Variants in PTPRD observed in about 807,000 individuals in gnomAD.
PTPRD encodes the protein receptor-type tyrosine-protein phosphatase delta.
In PTPRD, 34 loss-of-function variants were observed where a neutral mutation model predicts 214.5. The ratio of observed to expected loss-of-function variants is 0.16; its 90% CI spans 0.12 to 0.21. PTPRD has a LOEUF of 0.21. Among genes scored for constraint, PTPRD ranks in the 10% least tolerant of loss-of-function variants. The pLI, the probability that PTPRD is intolerant of heterozygous loss-of-function variation, is 1.00. For missense variants in PTPRD, 2,545 were observed against 2,398.7 expected, an observed-to-expected ratio of 1.06 and a Z score of -1.27; for synonymous variants, 1,128 against 845.7, an observed-to-expected ratio of 1.33 and a Z score of -5.79.
At chr9:9,062,609 A>C (rs1391587041) in intron 10 of PTPRD, among the ~76,000 whole-genome samples, 1 of 152,040 alleles carries the variant, frequency 6.6e-6, no homozygotes, top group Non-Finnish European at 1.5e-5. Flanking sequence ...CTAACTATTT[A>C]TGCTTGAGAA....
intron 9 of PTPRD, among the ~76,000 whole-genome samples, chr9:9,191,022 C>A (rs2099934807): frequency 6.6e-6 from 1 of 152,036 alleles, no homozygotes; most frequent in African/African-American, 2.4e-5. Flanking sequence ...ACTTGTGTAA[C>A]CTCCTCCCCT....
At chr9:9,746,138 G>T (rs1268375723) in intron 6 of PTPRD, among the ~76,000 whole-genome samples, 4 of 151,910 alleles carry the variant, frequency 2.6e-5, no homozygotes, top group African/African-American at 7.3e-5. Flanking sequence ...AATTATGAAA[G>T]AACAAATAAA....
intron 8 of PTPRD, among the ~76,000 whole-genome samples, chr9:9,469,120 G>C (rs1348862944): frequency 6.6e-6 from 1 of 151,970 alleles, no homozygotes; most frequent in Admixed American, 6.6e-5. Context: ...AGATTTTGAA[G>C]ACTTAGTATG....
intron 9 of PTPRD, among the ~76,000 whole-genome samples, chr9:9,270,236 C>G (rs1373250681): frequency 6.6e-6 from 1 of 150,948 alleles, no homozygotes; most frequent in East Asian, 2.0e-4. Context: ...CTTTATAAAG[C>G]TAGGGGAAAA....
At chr9:9,920,221 AGTTT>A (rs1293523804) in intron 5 of PTPRD, among the ~76,000 whole-genome samples, 1 of 152,118 alleles carries the variant, frequency 6.6e-6, no homozygotes, top group Non-Finnish European at 1.5e-5. Context: ...AAAACAGAAC[AGTTT>A]GTTTACCTCA....
intron 5 of PTPRD, among the ~76,000 whole-genome samples, chr9:9,882,187 C>A (rs963234592): frequency 6.6e-6 from 1 of 152,050 alleles, no homozygotes; most frequent in Non-Finnish European, 1.5e-5. Context: ...CCAACATGCC[C>A]TTCACCACCT....
intron 2 of PTPRD, among the ~76,000 whole-genome samples, chr9:10,454,388 T>G (rs1470954932): frequency 6.6e-6 from 1 of 151,404 alleles, no homozygotes; most frequent in Non-Finnish European, 1.5e-5. Flanking sequence ...CCAGGATCCT[T>G]GAGCCAAATA....
At chr9:8,452,050 T>C (rs1410229606) in intron 33 of PTPRD, among the ~76,000 whole-genome samples, 2 of 152,208 alleles carry the variant, frequency 1.3e-5, no homozygotes, top group Non-Finnish European at 2.9e-5. Context: ...TGCAAAGATG[T>C]GAGTCTCAGA....
intron 5 of PTPRD, among the ~76,000 whole-genome samples, chr9:9,797,109 A>C (rs2099007495): frequency 6.6e-6 from 1 of 152,132 alleles, no homozygotes; most frequent in African/African-American, 2.4e-5. Context: ...GAAGGAATAA[A>C]AAACACATTT....
rs758284103 is a variant in PTPRD, at chr9:8,504,347, C to A, written c.1736G>T (p.Ser579Ile). 6 of 1,614,108 alleles carry A rather than the reference C, an allele frequency of 3.7e-6. No homozygotes were observed. The change falls in exon 23 of 46, where the codon AGC (serine) becomes ATC (isoleucine). Residue 579 changes from serine (S) to isoleucine (I), a missense_variant. Coordinates refer to ENST00000381196, the MANE Select transcript of PTPRD (RefSeq NM_002839.4). ...TGCAGCCAGACGGAAATAGTATAAGCTGTTTGGTTTCAGTCCTTGCAGCCT... is the reference window on the plus strand; with the variant it reads ...TGCAGCCAGACGGAAATAGTATAAGATGTTTGGTTTCAGTCCTTGCAGCCT... ...SYRLQGLKPN[S>I]LYYFRLAARS...
At chr9:10,486,568 T>C (rs532663808) in intron 2 of PTPRD, among the ~76,000 whole-genome samples, 9 of 152,138 alleles carry the variant, frequency 5.9e-5, no homozygotes, top group East Asian at 1.9e-4. Flanking sequence ...TATTGGCCCA[T>C]TGGTAATTAA....
At chr9:9,705,637 T>C (rs1049656744) in intron 7 of PTPRD, among the ~76,000 whole-genome samples, 2 of 152,092 alleles carry the variant, frequency 1.3e-5, no homozygotes, top group East Asian at 1.9e-4. Context: ...CTAATGAAAA[T>C]ATTTTATCTT....
In PTPRD at chr9:9,115,465, A is replaced by G. The variant is rs184681282; in HGVS notation, c.-143+67839T>C. 1.1e-4 allele frequency among the ~76,000 whole-genome samples: 16 copies of G among 152,294 alleles called. No homozygotes were observed. The East Asian group carries it at 3.1e-3, about 29-fold the overall frequency. ...CCCCAGCCAGAATGGCTTTTACTAA[A>G]AAGTAAAAAACAATAGACGCTTGCA... On this transcript the variant is annotated intron_variant, in intron 10 of 45. Transcript: ENST00000381196.
intron 3 of PTPRD, among the ~76,000 whole-genome samples, chr9:10,316,928 T>C (rs2096450936): frequency 6.6e-6 from 1 of 151,854 alleles, no homozygotes; most frequent in South Asian, 2.1e-4. Context: ...CTGATCCCAA[T>C]TGCTTTTTAA....
intron 3 of PTPRD, among the ~76,000 whole-genome samples, chr9:10,245,911 A>G (rs1457030526): frequency 6.6e-6 from 1 of 152,186 alleles, no homozygotes; most frequent in Admixed American, 6.5e-5. Flanking sequence ...TTGAAGAATT[A>G]AATTTTGACA....
chr9:8,391,845 CAT>C (rs2089685415), intron 36 of PTPRD, among the ~76,000 whole-genome samples: 1 of 152,124 alleles, frequency 6.6e-6, no homozygotes, highest in Non-Finnish European at 1.5e-5. Flanking sequence ...ACAGGAGAAT[CAT>C]TCCTAAAGAC....
intron 9 of PTPRD, among the ~76,000 whole-genome samples, chr9:9,392,930 A>G (rs1423178133): frequency 1.3e-5 from 2 of 152,120 alleles, no homozygotes; most frequent in African/African-American, 2.4e-5. Flanking sequence ...CCTCTGACCA[A>G]CCTGCACACT....
intron 3 of PTPRD, among the ~76,000 whole-genome samples, chr9:10,188,207 T>A (rs1011291792): frequency 1.3e-5 from 2 of 152,190 alleles, no homozygotes; most frequent in African/African-American, 2.4e-5. Flanking sequence ...ATTCATTTTA[T>A]GGATATGCAT....
chr9:10,308,554 T>C (rs768140667), intron 3 of PTPRD, among the ~76,000 whole-genome samples: 21 of 152,052 alleles, frequency 1.4e-4, no homozygotes, highest in Non-Finnish European at 2.9e-4. Context: ...GGGTCTTTTG[T>C]GGTTTCATAA....
Sources: allele counts gnomAD v4.1 joint callset (sites outside exome capture counted in the v4.1 genomes callset), GRCh38; gene constraint gnomAD v4.1.1; transcripts MANE v1.5; gene names NCBI Gene and HGNC (gene_info 2026-07-23, HGNC 2026-07-21).